The following TFDP2 variants were observed in gnomAD, a reference collection of about 807,000 sequenced individuals.
The protein encoded by TFDP2 is transcription factor Dp-2 (E2F dimerization partner 2).
In TFDP2, 17 loss-of-function variants were observed where a neutral mutation model predicts 59.3. That is an observed-to-expected ratio of 0.29 (90% CI 0.20 to 0.43). TFDP2 has a LOEUF of 0.43. TFDP2 is among the 20% of genes least tolerant of loss of function. The probability of loss-of-function intolerance (pLI) is 1.00; values close to 1 mark genes in which losing one functional copy is unlikely to be tolerated. For missense variants in TFDP2, 391 were observed against 528.8 expected (o/e 0.74, Z 2.56); for synonymous variants, 180 against 194.7 (o/e 0.92, Z 0.63).
At chr3:141,997,888 AAG>A (rs894327293) in intron 4 of TFDP2, among the ~76,000 whole-genome samples, 1 of 151,924 alleles carries the variant, frequency 6.6e-6, no homozygotes, top group Non-Finnish European at 1.5e-5. Flanking sequence ...AAAGGAAAAA[AAG>A]AGAGAAGGAA....
At chr3:142,108,769 C>T (rs2061558970) in intron 1 of TFDP2, among the ~76,000 whole-genome samples, 1 of 152,038 alleles carries the variant, frequency 6.6e-6, no homozygotes, top group South Asian at 2.1e-4. Context: ...CCTACCTCTC[C>T]AGCTCTATTA....
At chr3:142,059,019 C>T (rs181936766) in intron 3 of TFDP2, among the ~76,000 whole-genome samples, 128 of 152,296 alleles carry the variant, frequency 8.4e-4, no homozygotes, top group African/African-American at 2.9e-3. Context: ...ACACTCATTA[C>T]TTTGGAGATT....
In TFDP2 at chr3:141,959,713, T is replaced by C; in HGVS notation, c.1012A>G (p.Lys338Glu). Residue 338 changes from lysine to glutamate, a missense_variant, in exon 11 of 13, where the codon AAA becomes GAA. Physicochemically the swap from Lys to Glu is moderately conservative, Grantham distance 56. Around this residue, in one of 3 missense-constraint regions of TFDP2, gnomAD observed 223 missense variants for 292.5 expected, o/e 0.76. Coordinates refer to ENST00000489671, the MANE Select transcript of TFDP2 (RefSeq NM_001178139.2). ...TCTAAAGCCTTTGGCACCAGGGATTTCGCAAGTTTCAGATCCTCCAGAGAG... is the reference window on the plus strand; with the variant it reads ...TCTAAAGCCTTTGGCACCAGGGATTCCGCAAGTTTCAGATCCTCCAGAGAG... Reference protein sequence around the residue: ...KCSLEDLKLAKSLVPKALEGY... With the variant: ...KCSLEDLKLAESLVPKALEGY... 1 of 1,614,178 alleles carries C rather than the reference T, an allele frequency of 6.2e-7. No individual in the cohort carries two copies.
chr3:142,078,589 C>T (rs1055460953), intron 3 of TFDP2, among the ~76,000 whole-genome samples: 1 of 152,186 alleles, frequency 6.6e-6, no homozygotes, highest in African/African-American at 2.4e-5. Flanking sequence ...TAAGGTACCC[C>T]CTAATGCAGA....
chr3:142,100,437 A>T (rs997849412), intron 2 of TFDP2, among the ~76,000 whole-genome samples: 1 of 152,138 alleles, frequency 6.6e-6, no homozygotes, highest in African/African-American at 2.4e-5. Flanking sequence ...CAATGGGGTA[A>T]TCTCAGCTTA....
At chr3:141,976,293 T>C (rs1357219543) in intron 7 of TFDP2, among the ~76,000 whole-genome samples, 4 of 152,112 alleles carry the variant, frequency 2.6e-5, no homozygotes, top group Admixed American at 6.5e-5. Context: ...TCATAACCAA[T>C]AGATACTGTC....
At chr3:141,956,142 A>G (rs1331446679) in intron 11 of TFDP2, among the ~76,000 whole-genome samples, 2 of 152,194 alleles carry the variant, frequency 1.3e-5, no homozygotes, top group Non-Finnish European at 2.9e-5. Flanking sequence ...AATATGTAAT[A>G]TTTTCAGGAA....
At chr3:141,964,431 T>G (rs1047355374) in intron 9 of TFDP2, among the ~76,000 whole-genome samples, 1 of 152,142 alleles carries the variant, frequency 6.6e-6, no homozygotes, top group Non-Finnish European at 1.5e-5. Flanking sequence ...GCAGGTTGAT[T>G]GCTTGAGTCC....
At chr3:141,975,809 G>A (rs1030477492) in intron 7 of TFDP2, among the ~76,000 whole-genome samples, 3 of 152,078 alleles carry the variant, frequency 2.0e-5, no homozygotes, top group Non-Finnish European at 4.4e-5. Flanking sequence ...ATATTGGAAG[G>A]GATATGGATG....
At chr3:142,103,601 T>C (rs1203670185) in intron 1 of TFDP2, among the ~76,000 whole-genome samples, 1 of 152,188 alleles carries the variant, frequency 6.6e-6, no homozygotes, top group African/African-American at 2.4e-5. Flanking sequence ...ATGGTCTCAC[T>C]ATACAGAGAA....
chr3:141,968,867 C>A (rs867825382), intron 9 of TFDP2, among the ~76,000 whole-genome samples: 20 of 62,930 alleles, frequency 3.2e-4, no homozygotes, highest in South Asian at 9.0e-4. Context: ...ACATATATAT[C>A]TCATATATAT....
intron 3 of TFDP2, among the ~76,000 whole-genome samples, chr3:142,035,624 CAT>C (rs1946659482): frequency 6.6e-6 from 1 of 152,192 alleles, no homozygotes; most frequent in Admixed American, 6.5e-5. Flanking sequence ...TGTCCCCACT[CAT>C]ATCTCATCTT....
chr3:141,961,855 T>A (rs1937403946), intron 10 of TFDP2, among the ~76,000 whole-genome samples: 1 of 152,176 alleles, frequency 6.6e-6, no homozygotes, highest in Admixed American at 6.5e-5. Flanking sequence ...GGGGGACCGC[T>A]TGAGCCCAGG....
intron 3 of TFDP2, 111 bp downstream of exon 3, chr3:142,092,950 C>T (rs1378989341): frequency 1.4e-6 from 1 of 716,246 alleles, no homozygotes; most frequent in Non-Finnish European, 2.2e-6. Flanking sequence ...GAACAACGTG[C>T]TAATATCATA....
chr3:141,945,140 T>C lies in TFDP2; in HGVS notation c.*7373A>G, dbSNP rs1935100654. ...GCTCATGGCCCTTTACCCACCTTTT[T>C]TTTTTGAGATGGAATTTCGCTCTTG... On this transcript the variant is annotated 3_prime_UTR_variant, in exon 13 of 13. Coordinates refer to ENST00000489671, the MANE Select transcript of TFDP2 (RefSeq NM_001178139.2). The C allele has an allele frequency of 6.6e-6, 1 of 151,678 alleles. No homozygotes were observed. The highest frequency in any genetic ancestry group is 2.4e-5 in the African/African-American group (1 of 41,100). 9.4% of individuals were successfully genotyped at this position (151,678 alleles called of 1,614,324 possible).
At chr3:141,972,812 A>G (rs959116332) in intron 8 of TFDP2, among the ~76,000 whole-genome samples, 4 of 152,118 alleles carry the variant, frequency 2.6e-5, no homozygotes, top group Non-Finnish European at 5.9e-5. Context: ...ATTAAGCACA[A>G]GGTAGATGTG....
At chr3:142,138,038 G>C (rs891533263) in intron 1 of TFDP2, among the ~76,000 whole-genome samples, 1 of 152,120 alleles carries the variant, frequency 6.6e-6, no homozygotes, top group African/African-American at 2.4e-5. Context: ...ATTAATTATT[G>C]CCTCAATTTC....
chr3:142,144,538 T>TATTC (rs1341132400), intron 1 of TFDP2, among the ~76,000 whole-genome samples: 1 of 151,582 alleles, frequency 6.6e-6, no homozygotes, highest in Non-Finnish European at 1.5e-5. Context: ...TATTTATTCC[T>TATTC]ATTTATTTAT....
chr3:142,003,220 C>T lies in TFDP2; in HGVS notation c.186+2221G>A, dbSNP rs532942231. On this transcript the variant is annotated intron_variant, in intron 4 of 12. Coordinates refer to ENST00000489671, the MANE Select transcript of TFDP2 (RefSeq NM_001178139.2). ...TTCACTGTGTTAGCCAGGATGGTCT[C>T]GATCTCCTGACCTCGTGATCCACCC... Among the ~76,000 whole-genome samples, 96 of 152,164 alleles carry T rather than the reference C, an allele frequency of 6.3e-4. 3 individuals carry two copies. Among genetic ancestry groups the T allele is most frequent in the Middle Eastern group, 6.8e-3 (2 of 294 alleles).
Sources: allele counts gnomAD v4.1 joint callset (sites outside exome capture counted in the v4.1 genomes callset), GRCh38; gene constraint gnomAD v4.1.1; regional missense constraint gnomAD v4.1.1; transcripts MANE v1.5; gene names NCBI Gene and HGNC (gene_info 2026-07-23, HGNC 2026-07-21).